Variants in PDE4D observed in about 807,000 individuals in gnomAD.
PDE4D encodes 3',5'-cyclic-AMP phosphodiesterase 4D.
In PDE4D, 24 loss-of-function variants were observed where a neutral mutation model predicts 87.4. The ratio of observed to expected loss-of-function variants is 0.27; its 90% CI spans 0.20 to 0.39. The LOEUF (loss-of-function observed/expected upper bound fraction) is 0.39. Among genes scored for constraint, PDE4D ranks in the 10% least tolerant of loss-of-function variants. The pLI is 1.00. For missense variants in PDE4D, 714 were observed against 1,041.0 expected (o/e 0.69, Z 4.32); for synonymous variants, 384 against 383.2 (o/e 1.00, Z -0.02).
intron 1 of PDE4D, among the ~76,000 whole-genome samples, chr5:59,402,648 G>T (rs1228392786): frequency 6.6e-6 from 1 of 152,042 alleles, no homozygotes; most frequent in Non-Finnish European, 1.5e-5. Context: ...CAGAAATTTG[G>T]TTGCTTTGGT....
In PDE4D at chr5:59,564,285, T is replaced by A. The variant is rs549313917; in HGVS notation, c.455+328883A>T. 1.2e-4 allele frequency among the ~76,000 whole-genome samples: 18 copies of A among 152,278 alleles called. No individual in the cohort carries two copies. In the South Asian group the frequency reaches 2.7e-3, roughly 23 times the overall value. On this transcript the variant is annotated intron_variant, in intron 1 of 14. Transcript: ENST00000340635. ...GGAGAGATAGAAAGGGAGCTTCAGG[T>A]GAGAGGAACAGCATAAAAAATGATC... is the stretch of plus-strand genomic sequence containing the variant.
At chr5:60,425,583 G>C in intron 1 of PDE4D, among the ~76,000 whole-genome samples, 1 of 121,506 alleles carries the variant, frequency 8.2e-6, no homozygotes, top group South Asian at 3.3e-4. Flanking sequence ...AAAAACCCTA[G>C]AAGAAACCTA....
At chr5:60,452,327 T>C (rs1746159623) in intron 1 of PDE4D, among the ~76,000 whole-genome samples, 1 of 152,146 alleles carries the variant, frequency 6.6e-6, no homozygotes. Flanking sequence ...ACATTTTGAA[T>C]AACATTGGGA....
chr5:59,630,646 T>G (rs1248678299), intron 1 of PDE4D, among the ~76,000 whole-genome samples: 1 of 152,238 alleles, frequency 6.6e-6, no homozygotes, highest in Non-Finnish European at 1.5e-5. Context: ...AGAAATGTTC[T>G]AAATATGGCC....
intron 1 of PDE4D, among the ~76,000 whole-genome samples, chr5:60,441,875 C>G (rs1745249209): frequency 6.6e-6 from 1 of 151,820 alleles, no homozygotes; most frequent in South Asian, 2.1e-4. Context: ...AAACGCAAAT[C>G]AAAACCACAA....
intron 1 of PDE4D, chr5:59,275,955 G>A: frequency 1.0e-6 from 1 of 985,190 alleles, no homozygotes; most frequent in Non-Finnish European, 1.2e-6. Flanking sequence ...CACTTTGGCT[G>A]GGTGGGCTGA....
chr5:59,047,067 G>A (rs976831473), intron 5 of PDE4D, among the ~76,000 whole-genome samples: 1 of 152,138 alleles, frequency 6.6e-6, no homozygotes, highest in African/African-American at 2.4e-5. Flanking sequence ...GAGAGGTTGT[G>A]AGTTAAATAA....
chr5:59,753,081 G>A (rs1760718662), intron 1 of PDE4D, among the ~76,000 whole-genome samples: 1 of 152,158 alleles, frequency 6.6e-6, no homozygotes, highest in Non-Finnish European at 1.5e-5. Context: ...GGTCCGCAAA[G>A]CCTAAAATAT....
At chr5:59,364,611 T>C (rs1489776507) in intron 1 of PDE4D, among the ~76,000 whole-genome samples, 1 of 152,200 alleles carries the variant, frequency 6.6e-6, no homozygotes, top group Non-Finnish European at 1.5e-5. Context: ...ATTATAACTA[T>C]GGGCTTTTAG....
intron 1 of PDE4D, among the ~76,000 whole-genome samples, chr5:59,609,935 C>G (rs544676449): frequency 6.6e-6 from 1 of 152,162 alleles, no homozygotes; most frequent in East Asian, 1.9e-4. Flanking sequence ...CACTAGATTC[C>G]TAGAATTTGA....
At chr5:59,517,172 G>C (rs189385375) in intron 1 of PDE4D, among the ~76,000 whole-genome samples, 64 of 152,198 alleles carry the variant, frequency 4.2e-4, no homozygotes, top group Admixed American at 7.9e-4. Context: ...TGGCTACAAG[G>C]TCATCTCATT....
At chr5:59,167,657 T>C (rs776478299) in intron 5 of PDE4D, among the ~76,000 whole-genome samples, 5 of 152,202 alleles carry the variant, frequency 3.3e-5, no homozygotes, top group African/African-American at 9.7e-5. Context: ...TCTTCCTCTC[T>C]CCCTTCCTTT....
chr5:60,358,243 A>C (rs1359858045), intron 1 of PDE4D, among the ~76,000 whole-genome samples: 1 of 152,210 alleles, frequency 6.6e-6, no homozygotes, highest in Non-Finnish European at 1.5e-5. Flanking sequence ...TTCTGCCTGC[A>C]GAGAAGACGG....
At chr5:59,999,701 C>T (rs2152837755) in intron 2 of PDE4D, among the ~76,000 whole-genome samples, 1 of 151,776 alleles carries the variant, frequency 6.6e-6, no homozygotes, top group East Asian at 1.9e-4. Context: ...AACAGGGAAA[C>T]ATGACACAAT....
At chr5:59,735,238 T>C (rs1757917868) in intron 1 of PDE4D, among the ~76,000 whole-genome samples, 1 of 152,218 alleles carries the variant, frequency 6.6e-6, no homozygotes, top group Admixed American at 6.5e-5. Context: ...TGTGAATCTC[T>C]GCATATAAAC....
At chr5:60,051,541 T>C (rs1320001207) in intron 2 of PDE4D, among the ~76,000 whole-genome samples, 1 of 152,154 alleles carries the variant, frequency 6.6e-6, no homozygotes, top group Non-Finnish European at 1.5e-5. Flanking sequence ...TAAAGTACTG[T>C]TTACAGGGAA....
intron 1 of PDE4D, among the ~76,000 whole-genome samples, chr5:59,684,779 G>A (rs1185696180): frequency 6.6e-6 from 1 of 152,204 alleles, no homozygotes; most frequent in Non-Finnish European, 1.5e-5. Context: ...CAGAGGGCAT[G>A]TTGTGGCAGA....
chr5:59,835,934 C>T (rs1224053991), intron 1 of PDE4D, among the ~76,000 whole-genome samples: 2 of 152,078 alleles, frequency 1.3e-5, no homozygotes, highest in Non-Finnish European at 1.5e-5. Flanking sequence ...GGAGCCTGAC[C>T]GTCTGGGTCA....
intron 1 of PDE4D, among the ~76,000 whole-genome samples, chr5:59,885,797 A>C (rs1750058227): frequency 6.6e-6 from 1 of 151,960 alleles, no homozygotes; most frequent in South Asian, 2.1e-4. Flanking sequence ...CTCTGTCTTC[A>C]TAATCTTAAC....
Sources: allele counts gnomAD v4.1 joint callset (sites outside exome capture counted in the v4.1 genomes callset), GRCh38; gene constraint gnomAD v4.1.1; transcripts MANE v1.5; gene names NCBI Gene and HGNC (gene_info 2026-07-23, HGNC 2026-07-21).